Variants in NSD3 observed in about 807,000 individuals in gnomAD.
NSD3 encodes the protein nuclear receptor binding SET domain protein 3, also known as histone-lysine N-methyltransferase NSD3.
NSD3 carries 24 observed loss-of-function variants against 160.8 expected under a neutral mutation model. That is an observed-to-expected ratio of 0.15 (90% CI 0.11 to 0.21). The LOEUF (loss-of-function observed/expected upper bound fraction) is 0.21, where lower values mean the gene tolerates loss of function less well. Among genes scored for constraint, NSD3 ranks in the 10% least tolerant of loss-of-function variants. The pLI, the probability that NSD3 is intolerant of heterozygous loss-of-function variation, is 1.00. For missense variants in NSD3, 1,157 were observed against 1,735.9 expected, an observed-to-expected ratio of 0.67 and a Z score of 5.93; for synonymous variants, 520 against 600.0, an observed-to-expected ratio of 0.87 and a Z score of 1.95.
Position 38,317,595 on chromosome 8 carries a change from G to A in NSD3, c.1855+1300C>T. 1.8e-6 allele frequency: 2 copies of A among 1,097,592 alleles called. No homozygotes were observed. The highest frequency in any genetic ancestry group is 2.2e-6 in the Non-Finnish European group (2 of 899,374). 68.0% of individuals were successfully genotyped at this position (1,097,592 alleles called of 1,614,324 possible). A position where few individuals can be genotyped will look rare whatever the true frequency, so the allele number is the denominator to read the frequency against. On this transcript the variant is annotated intron_variant, in intron 9 of 23. Transcript: ENST00000317025. This position sits in a 1 kb window ranked among gnomAD's most constrained non-coding sequence, Gnocchi z 5.3. Reference sequence around the variant, plus strand: ...AATAAGAACTTTTAATGATTGTAATGTATACAGTTTGGGCTGTTTGGCAAA... The same window carrying A: ...AATAAGAACTTTTAATGATTGTAATATATACAGTTTGGGCTGTTTGGCAAA...
chr8:38,304,763 TAA>T lies in NSD3; in HGVS notation c.2441-8_2441-7del. The T allele has an allele frequency of 6.3e-7, 1 of 1,591,176 alleles. No homozygotes were observed. Among genetic ancestry groups the T allele is most frequent in the Non-Finnish European group, 8.5e-7 (1 of 1,171,518 alleles). Reference sequence around the variant, plus strand: ...TAAACATCTCATCATGCGGCCTGTTTAAAGACAAGTCAAAAAGGAATCTAATA... The same window carrying T: ...TAAACATCTCATCATGCGGCCTGTTTAGACAAGTCAAAAAGGAATCTAATA... On this transcript the variant is annotated splice_polypyrimidine_tract_variant and splice_region_variant and intron_variant, in intron 13 of 23. Transcript: ENST00000317025.
chr8:38,316,169 G>C lies in NSD3; in HGVS notation c.1856-127C>G, dbSNP rs893500984. ...GTGTGGAAAAAGCATAGCTCTCTTT[G>C]TAACACTGAAATAATGAGTCAAAAC... On this transcript the variant is annotated intron_variant, in intron 9 of 23. Transcript: ENST00000317025. The surrounding 1 kb of genome is among the most constrained non-coding windows in gnomAD (Gnocchi z 4.5). 1.3e-5 allele frequency: 17 copies of C among 1,332,066 alleles called. No homozygotes were observed. In the African/African-American group the frequency reaches 2.2e-4, roughly 17 times the overall value. 82.5% of individuals were successfully genotyped at this position (1,332,066 alleles called of 1,614,324 possible).
chr8:38,367,092 T>C (rs1811123316), intron 1 of NSD3, among the ~76,000 whole-genome samples: 1 of 152,212 alleles, frequency 6.6e-6, no homozygotes, highest in Admixed American at 6.5e-5. Context: ...AATAGATCTC[T>C]ATGCCAGAGT....
chr8:38,278,174 G>A (rs1486887770), intron 22 of NSD3, 132 bp downstream of exon 22: 11 of 600,564 alleles, frequency 1.8e-5, no homozygotes, highest in East Asian at 9.8e-5. Context: ...TCCTGACCTC[G>A]TGATCTGCCC....
Position 38,272,628 on chromosome 8 carries a change from A to G in NSD3, c.*3013T>C, listed in dbSNP as rs1808509866. On this transcript the variant is annotated 3_prime_UTR_variant, in exon 24 of 24. Transcript: ENST00000317025. ...CTTTAGGCTGATTATCAAAAATCTT[A>G]TGTTCACTTCTTCCTTCAACAAATT... 1 of 152,226 alleles carries G rather than the reference A, an allele frequency of 6.6e-6. No homozygotes were observed. The highest frequency in any genetic ancestry group is 2.1e-4 in the South Asian group (1 of 4,832). 9.4% of individuals were successfully genotyped at this position (152,226 alleles called of 1,614,324 possible).
Position 38,316,869 on chromosome 8 carries a change from A to G in NSD3, c.1856-827T>C, listed in dbSNP as rs879415767. The G allele has an allele frequency of 2.8e-6, 3 of 1,062,998 alleles. No homozygotes were observed. The highest frequency in any genetic ancestry group is 1.1e-4 in the Admixed American group (2 of 18,614). The allele number at this position is 1,062,998 out of a possible 1,614,324, so 65.8% of individuals were successfully genotyped here. ...CCAAAACAATAGTGCAAAAAGTTAC[A>G]AAGCAACAATCTCTTGGGCTAATGC... is the stretch of plus-strand genomic sequence containing the variant. On this transcript the variant is annotated intron_variant, in intron 9 of 23. Transcript: ENST00000317025. The surrounding 1 kb of genome is among the most constrained non-coding windows in gnomAD (Gnocchi z 4.5).
In NSD3 at chr8:38,269,788, TAATC is replaced by T. The variant is rs1322959705; in HGVS notation, c.*5849_*5852del. The stretch of plus-strand genomic sequence containing the variant: ...AATGTCATTAAAAACCTTTCCAAAT[TAATC>T]CTCACGGAAGCAAAAAACACATTGG... On this transcript the variant is annotated 3_prime_UTR_variant, in exon 24 of 24. Coordinates refer to ENST00000317025, the MANE Select transcript of NSD3 (RefSeq NM_023034.2). 6.6e-6 allele frequency: 1 copy of T among 152,264 alleles called. No homozygotes were observed. The highest frequency in any genetic ancestry group is 1.5e-5 in the Non-Finnish European group (1 of 68,068). The allele number at this position is 152,264 out of a possible 1,614,324, so 9.4% of individuals were successfully genotyped here.
intron 1 of NSD3, among the ~76,000 whole-genome samples, chr8:38,363,221 A>T (rs1179334725): frequency 6.6e-6 from 1 of 152,250 alleles, no homozygotes; most frequent in Non-Finnish European, 1.5e-5. Flanking sequence ...GGCAGCAAAC[A>T]CAATGCTGCA....
Position 38,317,889 on chromosome 8 carries a change from G to A in NSD3, c.1855+1006C>T. 8.1e-6 allele frequency: 13 copies of A among 1,600,672 alleles called. No individual in the cohort carries two copies. The highest frequency in any genetic ancestry group is 1.1e-5 in the Non-Finnish European group (13 of 1,173,332). On this transcript the variant is annotated intron_variant, in intron 9 of 23. Transcript: ENST00000317025. This position sits in a 1 kb window ranked among gnomAD's most constrained non-coding sequence, Gnocchi z 5.3. ...AAACAAAGAAACTGTTTATCAAGCCGCCGACAAAGAAATCTTGCATGGAGA... is the reference window on the plus strand; with the variant it reads ...AAACAAAGAAACTGTTTATCAAGCCACCGACAAAGAAATCTTGCATGGAGA...
At chr8:38,326,602 T>C (rs1011105195) in intron 7 of NSD3, 128 bp downstream of exon 7, 5 of 1,150,952 alleles carry the variant, frequency 4.3e-6, no homozygotes, top group Non-Finnish European at 5.7e-6. Flanking sequence ...TGCTTTTATA[T>C]TTTGATTTTT....
At chr8:38,291,874 C>CA (rs1488203551) in intron 16 of NSD3, among the ~76,000 whole-genome samples, 1 of 152,196 alleles carries the variant, frequency 6.6e-6, no homozygotes, top group Non-Finnish European at 1.5e-5. Flanking sequence ...CATGCAGCCC[C>CA]ACTGGGCCTG....
At chr8:38,352,764 C>G (rs1170624388) in intron 1 of NSD3, among the ~76,000 whole-genome samples, 1 of 152,036 alleles carries the variant, frequency 6.6e-6, no homozygotes, top group Admixed American at 6.5e-5. Flanking sequence ...TGCGCCACAC[C>G]TGGCTAATTT....
intron 1 of NSD3, among the ~76,000 whole-genome samples, chr8:38,369,976 T>C (rs1811202619): frequency 6.6e-6 from 1 of 152,082 alleles, no homozygotes; most frequent in Admixed American, 6.6e-5. Context: ...GTATTTTTAG[T>C]AGACATGGGG....
intron 1 of NSD3, among the ~76,000 whole-genome samples, chr8:38,365,855 C>T (rs1300920966): frequency 6.6e-6 from 1 of 152,046 alleles, no homozygotes. Flanking sequence ...TTTCCTTTGA[C>T]GTTCACTCTG....
chr8:38,316,055 C>T lies in NSD3; in HGVS notation c.1856-13G>A, dbSNP rs745318254. 9 of 1,610,444 alleles carry T rather than the reference C, an allele frequency of 5.6e-6. No homozygotes were observed. The highest frequency in any genetic ancestry group is 4.4e-5 in the South Asian group (4 of 90,570). Reference sequence around the variant, plus strand: ...ATCTCGCTGGCACCTTAATACAACACACTGAAATTAATCCTAAAATAGTAC... The same window carrying T: ...ATCTCGCTGGCACCTTAATACAACATACTGAAATTAATCCTAAAATAGTAC... On this transcript the variant is annotated splice_polypyrimidine_tract_variant and intron_variant, in intron 9 of 23. Transcript: ENST00000317025. The surrounding 1 kb of genome is among the most constrained non-coding windows in gnomAD (Gnocchi z 4.5).
At position 38,317,661 on chromosome 8, in the gene NSD3, A is replaced by G. The variant is rs1585881690; in HGVS notation, c.1855+1234T>C. ...ATTAATGATGCTTTATTTAAAAACA[A>G]AAAACCAAAAACAGTCCATGTTGAA... On this transcript the variant is annotated intron_variant, in intron 9 of 23. Transcript: ENST00000317025. The surrounding 1 kb of genome is among the most constrained non-coding windows in gnomAD (Gnocchi z 5.3). The G allele has an allele frequency of 8.2e-7, 1 of 1,213,914 alleles. No individual in the cohort carries two copies. 75.2% of individuals were successfully genotyped at this position (1,213,914 alleles called of 1,614,324 possible). A position where few individuals can be genotyped will look rare whatever the true frequency, so the allele number is the denominator to read the frequency against.
At chr8:38,349,346 T>G (rs370823931) in intron 1 of NSD3, among the ~76,000 whole-genome samples, 2 of 151,980 alleles carry the variant, frequency 1.3e-5, no homozygotes, top group Non-Finnish European at 2.9e-5. Flanking sequence ...TCTTTTCTTT[T>G]CTTTACTCTT....
At chr8:38,283,438 C>T (rs929956572) in intron 19 of NSD3, among the ~76,000 whole-genome samples, 1 of 126,400 alleles carries the variant, frequency 7.9e-6, no homozygotes, top group Non-Finnish European at 1.6e-5. Context: ...TTTCCACTAG[C>T]CCTTCTCATA....
chr8:38,343,131 A>T (rs1166693582), intron 2 of NSD3, among the ~76,000 whole-genome samples: 2 of 151,714 alleles, frequency 1.3e-5, no homozygotes, highest in Non-Finnish European at 2.9e-5. Flanking sequence ...GGGAGGCAAG[A>T]GGTTGCAGTG....
Sources: gnomAD v4.1 joint callset for allele counts (sites outside exome capture counted in the v4.1 genomes callset) on GRCh38, gnomAD v4.1.1 for gene constraint, Gnocchi (gnomAD v3.1) non-coding constraint, MANE v1.5 for transcripts, NCBI Gene and HGNC (gene_info 2026-07-23, HGNC 2026-07-21) for gene names.